The following SYNE1 variants were observed in gnomAD, a reference collection of about 807,000 sequenced individuals.
SYNE1 encodes the protein nesprin-1.
Under a neutral mutation model 1,111.0 loss-of-function variants are expected in SYNE1, and 616 were observed. That is an observed-to-expected ratio of 0.55 (90% CI 0.52 to 0.59). The LOEUF is 0.59. Among genes scored for constraint, SYNE1 ranks in the 20% least tolerant of loss-of-function variants. The pLI is 0.00. For missense variants in SYNE1, 10,006 were observed against 10,417.0 expected (o/e 0.96, Z 1.72); for synonymous variants, 3,855 against 3,825.8 (o/e 1.01, Z -0.28).
rs375046915 is a variant in SYNE1 at position 152,168,127 on chromosome 6, G to A, written c.23628-3802C>T. ...AAGATGCCTGCCTTGTGACATCGCA[G>A]TTACAATCTGGGAGATCTGCATCCA... On this transcript the variant is annotated intron_variant, in intron 130 of 145. Transcript: ENST00000367255. The A allele has an allele frequency of 5.1e-5, 40 of 779,816 alleles. No individual in the cohort carries two copies. In the African/African-American group the frequency reaches 5.7e-4, roughly 11 times the overall value. 48.3% of individuals were successfully genotyped at this position (779,816 alleles called of 1,614,324 possible). A position where few individuals can be genotyped will look rare whatever the true frequency, so the allele number is the denominator to read the frequency against.
chr6:152,491,101 C>T (rs1328530571), intron 11 of SYNE1, among the ~76,000 whole-genome samples: 7 of 152,162 alleles, frequency 4.6e-5, no homozygotes, highest in Admixed American at 4.6e-4. Flanking sequence ...CACCCACATT[C>T]CACTGGTGTC....
At chr6:152,426,201 T>TA (rs1338318968) in intron 38 of SYNE1, among the ~76,000 whole-genome samples, 1 of 152,076 alleles carries the variant, frequency 6.6e-6, no homozygotes, top group Non-Finnish European at 1.5e-5. Flanking sequence ...GTAATAATAA[T>TA]AAAAAAATAT....
chr6:152,521,852 T>A (rs1354535775), intron 5 of SYNE1, among the ~76,000 whole-genome samples: 6 of 152,170 alleles, frequency 3.9e-5, no homozygotes, highest in Admixed American at 2.6e-4. Flanking sequence ...AGTCTTAATT[T>A]TAATATATTA....
intron 125 of SYNE1, among the ~76,000 whole-genome samples, chr6:152,207,375 G>A (rs1563506518): frequency 6.6e-6 from 1 of 152,162 alleles, no homozygotes; most frequent in Non-Finnish European, 1.5e-5. Flanking sequence ...ATATGAATAT[G>A]CCCCTTCTCT....
At position 152,268,145 on chromosome 6, in the gene SYNE1, G is replaced by T. The variant is rs769736021; in HGVS notation, c.18726C>A (p.Ala6242=). The T allele has an allele frequency of 1.2e-6, 2 of 1,613,984 alleles. No individual in the cohort carries two copies. The highest frequency in any genetic ancestry group is 1.1e-5 in the South Asian group (1 of 91,076). ...QQQKELEQEL[A]EQKSLLRSVA... is the part of the protein sequence containing the mutation. ...CTGAGCGAAGGAGACTCTTCTGCTC[G>T]GCTAATTCCTGTTCTAACTCCTGCT... The change falls in exon 100 of 146, where the codon GCC becomes GCA. Residue 6242 remains alanine, a synonymous_variant. Transcript: ENST00000367255.
At chr6:152,530,225 T>A (rs1405757592) in intron 4 of SYNE1, among the ~76,000 whole-genome samples, 1 of 152,198 alleles carries the variant, frequency 6.6e-6, no homozygotes, top group African/African-American at 2.4e-5. Flanking sequence ...CTTCTCATAC[T>A]TTGAGACAAC....
chr6:152,583,617 C>T (rs942011357), intron 3 of SYNE1, among the ~76,000 whole-genome samples: 6 of 152,134 alleles, frequency 3.9e-5, no homozygotes, highest in African/African-American at 1.4e-4. Flanking sequence ...TCTGTTTTTA[C>T]AGGTTCCAGA....
At chr6:152,340,872 G>A (rs938905347) in intron 74 of SYNE1, among the ~76,000 whole-genome samples, 1 of 152,188 alleles carries the variant, frequency 6.6e-6, no homozygotes, top group Admixed American at 6.5e-5. Flanking sequence ...GGGATCAGAT[G>A]AACCATGAAG....
chr6:152,367,808 T>A (rs1200227554), intron 61 of SYNE1: 1 of 237,460 alleles, frequency 4.2e-6, no homozygotes, highest in African/African-American at 2.3e-5. Flanking sequence ...CTCTAAATTT[T>A]AAAACATGGG....
chr6:152,454,183 G>C (rs2098676241), intron 24 of SYNE1, among the ~76,000 whole-genome samples: 1 of 112,720 alleles, frequency 8.9e-6, no homozygotes, highest in African/African-American at 4.6e-5. Context: ...TGTGCACACA[G>C]AAGCACACAT....
chr6:152,222,121 G>A (rs935245088), intron 117 of SYNE1, among the ~76,000 whole-genome samples: 1 of 152,176 alleles, frequency 6.6e-6, no homozygotes, highest in African/African-American at 2.4e-5. Context: ...AGTTTAGATT[G>A]AGTGGTCCAA....
intron 4 of SYNE1, among the ~76,000 whole-genome samples, chr6:152,534,763 T>C (rs1276512811): frequency 1.3e-5 from 2 of 152,224 alleles, no homozygotes; most frequent in African/African-American, 4.8e-5. Context: ...TGTTTCCATG[T>C]TATCTTTCAG....
intron 3 of SYNE1, among the ~76,000 whole-genome samples, chr6:152,595,575 T>A (rs2099578709): frequency 6.6e-6 from 1 of 152,182 alleles, no homozygotes; most frequent in Admixed American, 6.5e-5. Context: ...TCTGGTTTTT[T>A]TAATCGTAAT....
chr6:152,536,850 T>C (rs998327957), intron 4 of SYNE1, among the ~76,000 whole-genome samples: 1 of 152,152 alleles, frequency 6.6e-6, no homozygotes, highest in Non-Finnish European at 1.5e-5. Flanking sequence ...TCTAAGCTTC[T>C]GGTTCATAAT....
intron 87 of SYNE1, among the ~76,000 whole-genome samples, chr6:152,314,880 A>G (rs1227712439): frequency 1.4e-5 from 2 of 140,754 alleles, no homozygotes; most frequent in African/African-American, 5.1e-5. Context: ...GAACCTGCCC[A>G]GGCTGTAGCT....
At chr6:152,391,653 T>C (rs1248435368) in intron 51 of SYNE1, 85 bp from the exon 52 acceptor site, 3 of 1,452,112 alleles carry the variant, frequency 2.1e-6, no homozygotes, top group South Asian at 2.7e-5. Context: ...ATTGTTGATA[T>C]TGGAGCAGTA....
rs9383994 is a variant in SYNE1, at chr6:152,462,449, G to A, written c.2250+289C>T. ...TTTATTATTGAAAGTATTTAGGTGC[G>A]GGTGCTATCTATAGATGTCTCCTGT... On this transcript the variant is annotated intron_variant, in intron 20 of 145. Coordinates refer to ENST00000367255, the MANE Select transcript of SYNE1 (RefSeq NM_182961.4). 131,822 of 510,510 alleles carry A rather than the reference G, an allele frequency of 0.26. 18,164 individuals are homozygous for A. The highest frequency in any genetic ancestry group is 0.39 in the African/African-American group (20,251 of 51,276). The allele number at this position is 510,510 out of a possible 1,614,324, so 31.6% of individuals were successfully genotyped here.
chr6:152,292,967 C>T (rs184787118), intron 95 of SYNE1, among the ~76,000 whole-genome samples: 1 of 152,346 alleles, frequency 6.6e-6, no homozygotes, highest in East Asian at 1.9e-4. Flanking sequence ...AATTTCTGAA[C>T]ATTTCTTAGC....
At chr6:152,505,542 A>G (rs2099053344) in intron 8 of SYNE1, 145 bp from the exon 9 acceptor site, 1 of 871,786 alleles carries the variant, frequency 1.1e-6, no homozygotes, top group Admixed American at 2.7e-5. Context: ...AAATTAAGGG[A>G]AACAAAATTT....
Sources: allele counts gnomAD v4.1 joint callset (sites outside exome capture counted in the v4.1 genomes callset), GRCh38; gene constraint gnomAD v4.1.1; transcripts MANE v1.5; gene names NCBI Gene and HGNC (gene_info 2026-07-23, HGNC 2026-07-21).